Variants in ANK3 observed in about 807,000 individuals in gnomAD.
ANK3 encodes ankyrin 3.
Under a neutral mutation model 370.9 loss-of-function variants are expected in ANK3, and 57 were observed. The observed-to-expected ratio is 0.15, with a 90% CI of 0.12 to 0.19. ANK3 has a LOEUF of 0.19. Ranked by LOEUF, ANK3 falls within the 10% of genes least tolerant of loss-of-function variation. The pLI, the probability that ANK3 is intolerant of heterozygous loss-of-function variation, is 1.00. For missense variants in ANK3, 4,439 were observed against 5,302.1 expected, an observed-to-expected ratio of 0.84 and a Z score of 5.06; for synonymous variants, 1,929 against 1,946.3, an observed-to-expected ratio of 0.99 and a Z score of 0.23.
intron 1 of ANK3, among the ~76,000 whole-genome samples, chr10:60,649,799 T>C (rs1179173358): frequency 6.6e-6 from 1 of 152,206 alleles, no homozygotes; most frequent in Non-Finnish European, 1.5e-5. Flanking sequence ...TCACAAACAC[T>C]CCATTTCTCT....
chr10:60,615,140 C>A, intron 2 of ANK3: 2 of 1,253,728 alleles, frequency 1.6e-6, no homozygotes, highest in Non-Finnish European at 2.1e-6. Flanking sequence ...GAAACTTGTC[C>A]ACACAAAATA....
chr10:60,114,168 T>C, intron 26 of ANK3, 57 bp downstream of exon 26: 1 of 912,234 alleles, frequency 1.1e-6, no homozygotes, highest in East Asian at 2.6e-5. Context: ...TAACTCTAAG[T>C]AATAAATGCA....
chr10:60,232,529 G>C (rs2097261602), intron 8 of ANK3, among the ~76,000 whole-genome samples: 1 of 152,078 alleles, frequency 6.6e-6, no homozygotes, highest in Non-Finnish European at 1.5e-5. Context: ...CTTCTTACTG[G>C]AATGATGCAA....
intron 2 of ANK3, among the ~76,000 whole-genome samples, chr10:60,492,737 GAAA>G (rs773889317): frequency 7.1e-5 from 8 of 112,892 alleles, no homozygotes; most frequent in South Asian, 3.3e-4. Flanking sequence ...AAGAAAGAAA[GAAA>G]AAAAAAAGAA....
rs574917483 is a variant in ANK3, at chr10:60,519,653, A to G, written c.96+95533T>C. 1.4e-4 allele frequency among the ~76,000 whole-genome samples: 21 copies of G among 152,268 alleles called. No homozygotes were observed. In the East Asian group the frequency reaches 3.5e-3, roughly 25 times the overall value. On this transcript the variant is annotated intron_variant, in intron 2 of 43. Coordinates refer to the ANK3 transcript ENST00000373827. ...ATTCATCCTAGGTTTTCTAATTTCA[A>G]ATAAGTCAACAAATGTATATTCGAC...
At chr10:60,649,257 C>T (rs909842015) in intron 1 of ANK3, among the ~76,000 whole-genome samples, 3 of 151,942 alleles carry the variant, frequency 2.0e-5, no homozygotes, top group African/African-American at 7.3e-5. Flanking sequence ...ATCAAAAAAC[C>T]ACCCACATCA....
chr10:60,537,975 A>C (rs1331334415), intron 2 of ANK3, among the ~76,000 whole-genome samples: 1 of 151,990 alleles, frequency 6.6e-6, no homozygotes, highest in African/African-American at 2.4e-5. Context: ...AAAATGTATT[A>C]GTGTAATGAA....
chr10:60,030,210 T>TC, intron 43 of ANK3, among the ~76,000 whole-genome samples: 1 of 152,076 alleles, frequency 6.6e-6, no homozygotes, highest in Non-Finnish European at 1.5e-5. Context: ...TGGCCCGAAA[T>TC]TGGCTCACTG....
intron 41 of ANK3, 114 bp from the exon 42 acceptor site, chr10:60,056,150 GA>G: frequency 8.4e-7 from 1 of 1,193,038 alleles, no homozygotes; most frequent in Non-Finnish European, 1.1e-6. Context: ...GCATAAAATA[GA>G]AAAGTGTGAA....
chr10:60,414,340 C>T (rs2063618078), intron 2 of ANK3, among the ~76,000 whole-genome samples: 1 of 152,068 alleles, frequency 6.6e-6, no homozygotes, highest in South Asian at 2.1e-4. Context: ...CAATACACTC[C>T]CATATCCATG....
At chr10:60,684,509 G>A in intron 1 of ANK3, 1 of 1,491,334 alleles carries the variant, frequency 6.7e-7, no homozygotes, top group Non-Finnish European at 9.1e-7. Flanking sequence ...CTGGAAATGG[G>A]GAATGGACTA....
intron 2 of ANK3, among the ~76,000 whole-genome samples, chr10:60,427,238 A>T (rs1755635342): frequency 6.6e-6 from 1 of 152,160 alleles, no homozygotes; most frequent in Non-Finnish European, 1.5e-5. Context: ...ATAGGAGTAA[A>T]CATTTCTTTC....
intron 28 of ANK3, among the ~76,000 whole-genome samples, chr10:60,093,621 C>T (rs1383729333): frequency 6.6e-6 from 1 of 152,186 alleles, no homozygotes; most frequent in Non-Finnish European, 1.5e-5. Context: ...ACAGCTATAA[C>T]ACCCCCGAAA....
Position 60,421,143 on chromosome 10 carries a change from C to CAG in ANK3, c.97-141506_97-141505dup, listed in dbSNP as rs1226782511. Among the ~76,000 whole-genome samples the CAG allele has an allele frequency of 2.4e-4, 36 of 151,704 alleles. No homozygotes were observed. The East Asian group carries it at 6.0e-3, about 25-fold the overall frequency. On this transcript the variant is annotated intron_variant, in intron 2 of 43. Transcript: ENST00000373827. ...AAAATACCTAGACTAGGCAAGTTCA[C>CAG]AGAGAGAGAGAGATAAGAGATTTCC...
intron 16 of ANK3, among the ~76,000 whole-genome samples, chr10:60,195,494 T>A (rs1451222372): frequency 6.6e-6 from 1 of 152,056 alleles, no homozygotes; most frequent in Non-Finnish European, 1.5e-5. Flanking sequence ...GTTTGCATCA[T>A]TTCAGTGTTC....
At chr10:60,319,485 G>C (rs1483474534) in intron 1 of ANK3, among the ~76,000 whole-genome samples, 1 of 152,162 alleles carries the variant, frequency 6.6e-6, no homozygotes, top group African/African-American at 2.4e-5. Flanking sequence ...TGGATAGTAA[G>C]ATAGAATTTG....
At chr10:60,623,120 A>G (rs1162868343) in intron 1 of ANK3, among the ~76,000 whole-genome samples, 1 of 152,180 alleles carries the variant, frequency 6.6e-6, no homozygotes, top group African/African-American at 2.4e-5. Context: ...AGAAGGTAGG[A>G]TTTAGATTCT....
chr10:60,423,741 C>T (rs1485229846), intron 2 of ANK3, among the ~76,000 whole-genome samples: 4 of 151,914 alleles, frequency 2.6e-5, no homozygotes, highest in Non-Finnish European at 5.9e-5. Flanking sequence ...ATTAAGTCAG[C>T]CAGGATGCTA....
chr10:60,670,541 TC>T (rs2079052892), intron 1 of ANK3, among the ~76,000 whole-genome samples: 2 of 152,200 alleles, frequency 1.3e-5, no homozygotes, highest in African/African-American at 4.8e-5. Flanking sequence ...CTCACTGGCC[TC>T]CCTGCTTCCA....
Sources: gnomAD v4.1 joint callset for allele counts (sites outside exome capture counted in the v4.1 genomes callset) on GRCh38, gnomAD v4.1.1 for gene constraint, MANE v1.5 for transcripts, NCBI Gene and HGNC (gene_info 2026-07-23, HGNC 2026-07-21) for gene names.